HGF: variants seen among roughly 807,000 people sequenced by gnomAD.
The protein encoded by HGF is hepatocyte growth factor.
In HGF, 39 loss-of-function variants were observed where a neutral mutation model predicts 111.6. That is an observed-to-expected ratio of 0.35 (90% CI 0.27 to 0.46). The LOEUF (loss-of-function observed/expected upper bound fraction) is 0.46, where lower values mean the gene tolerates loss of function less well. Ranked by LOEUF, HGF falls within the 20% of genes least tolerant of loss-of-function variation. The pLI is 1.00. For synonymous variants in HGF, 285 were observed against 294.8 expected, an observed-to-expected ratio of 0.97 and a Z score of 0.34; for missense variants, 735 against 910.5, an observed-to-expected ratio of 0.81 and a Z score of 2.48.
At chr7:81,743,090 T>C in intron 7 of HGF, 1 of 815,468 alleles carries the variant, frequency 1.2e-6, no homozygotes, top group Non-Finnish European at 2.0e-6. Context: ...ATTTTCTTGA[T>C]AACATTAGAA....
intron 4 of HGF, among the ~76,000 whole-genome samples, chr7:81,752,534 T>C (rs771154449): frequency 1.3e-5 from 2 of 152,102 alleles, no homozygotes; most frequent in Non-Finnish European, 2.9e-5. Flanking sequence ...TAGAACTGAA[T>C]CGAAGTTGTC....
intron 11 of HGF, among the ~76,000 whole-genome samples, chr7:81,713,655 C>T (rs1352130833): frequency 6.6e-6 from 1 of 151,940 alleles, no homozygotes; most frequent in African/African-American, 2.4e-5. Flanking sequence ...AACTGAAATA[C>T]GTTTTAAAAT....
In HGF at chr7:81,705,378, C is replaced by G. The variant is rs778031781; in HGVS notation, c.2010+12G>C. ...GAATCACATACTCCTTATTAAAGAA[C>G]TTCCTTTTTACCTCACATGGTCCTG... On this transcript the variant is annotated intron_variant, in intron 17 of 17. Coordinates refer to ENST00000222390, the MANE Select transcript of HGF (RefSeq NM_000601.6). The G allele has an allele frequency of 1.9e-6, 3 of 1,611,180 alleles. No homozygotes were observed. The highest frequency in any genetic ancestry group is 2.7e-5 in the African/African-American group (2 of 74,770).
chr7:81,724,056 T>C (rs1037142805), intron 9 of HGF, among the ~76,000 whole-genome samples: 1 of 152,136 alleles, frequency 6.6e-6, no homozygotes, highest in African/African-American at 2.4e-5. Flanking sequence ...CTGATCCTTT[T>C]TAAGTGACGT....
chr7:81,735,967 T>G (rs1782455781), intron 7 of HGF, among the ~76,000 whole-genome samples: 1 of 152,044 alleles, frequency 6.6e-6, no homozygotes. Context: ...TCATTTAACA[T>G]TAATTACCAC....
In HGF at chr7:81,726,259, C is replaced by G. The variant is rs1226545299; in HGVS notation, c.1041-242G>C. On this transcript the variant is annotated intron_variant, in intron 8 of 17. Coordinates refer to ENST00000222390, the MANE Select transcript of HGF (RefSeq NM_000601.6). ...CCTTCCACAGGCCTAGAGTTTCACC[C>G]AAACATTACTGCTTCATAAAAGAGA... Among the ~76,000 whole-genome samples, 4 of 152,112 alleles carry G rather than the reference C, an allele frequency of 2.6e-5. No homozygotes were observed. In the East Asian group the frequency reaches 7.7e-4, roughly 29 times the overall value.
In HGF at chr7:81,705,398, G is replaced by T. The variant is rs2115759207; in HGVS notation, c.2002C>A (p.Pro668Thr). Residue 668 changes from proline (P) to threonine (T), a missense_variant, in exon 17 of 18, where the codon CCA (proline) becomes ACA (threonine). By Grantham distance (38) the Pro-to-Thr change is conservative. This residue lies in a region of HGF where 52 missense variants were observed against 95.0 expected (regional missense o/e 0.55). Coordinates refer to ENST00000222390, the MANE Select transcript of HGF (RefSeq NM_000601.6). ...CAGAEKIGSG[P>T]CEGDYGGPLV... ...AAGAACTTCCTTTTTACCTCACATG[G>T]TCCTGATCCAATCTTTTCAGCCCCA... 1 of 1,612,314 alleles carries T rather than the reference G, an allele frequency of 6.2e-7. No individual in the cohort carries two copies.
chr7:81,768,927 G>A (rs542113482), intron 1 of HGF, among the ~76,000 whole-genome samples: 1 of 152,014 alleles, frequency 6.6e-6, no homozygotes, highest in Non-Finnish European at 1.5e-5. Flanking sequence ...TAGATCAAAG[G>A]TCTGATAAAT....
intron 4 of HGF, among the ~76,000 whole-genome samples, chr7:81,752,694 T>G (rs1356791558): frequency 1.3e-5 from 2 of 152,116 alleles, no homozygotes; most frequent in African/African-American, 4.8e-5. Context: ...GTTTATTGCT[T>G]TTCTTATAAA....
chr7:81,744,252 T>G (rs531679348), intron 6 of HGF, among the ~76,000 whole-genome samples: 1 of 152,328 alleles, frequency 6.6e-6, no homozygotes, highest in East Asian at 1.9e-4. Context: ...TTCTTCCTTT[T>G]TTTTCCACCT....
chr7:81,741,938 C>CAAAAAAAA (rs71520767), intron 7 of HGF, among the ~76,000 whole-genome samples: 1 of 46,330 alleles, frequency 2.2e-5, no homozygotes, highest in African/African-American at 8.0e-5. Flanking sequence ...AACTCCATCT[C>CAAAAAAAA]AAAAAAAAAA....
At chr7:81,718,235 C>A (rs1789764398) in intron 10 of HGF, among the ~76,000 whole-genome samples, 2 of 152,144 alleles carry the variant, frequency 1.3e-5, no homozygotes, top group African/African-American at 4.8e-5. Context: ...GACCAAGTTT[C>A]ATTTTTCTGG....
Position 81,699,695 on chromosome 7 carries a change from C to T in HGF, c.*2886G>A, listed in dbSNP as rs1789235598. ...TGTTCTTTTCAAGAGAATGTTGTGG[C>T]TATAACATTCACTTTGTACAGTACC... On this transcript the variant is annotated 3_prime_UTR_variant, in exon 18 of 18. Coordinates refer to ENST00000222390, the MANE Select transcript of HGF (RefSeq NM_000601.6). 1 of 151,602 alleles carries T rather than the reference C, an allele frequency of 6.6e-6. No individual in the cohort carries two copies. Among genetic ancestry groups the T allele is most frequent in the Non-Finnish European group, 1.5e-5 (1 of 67,688 alleles). The allele number at this position is 151,602 out of a possible 1,614,324, so 9.4% of individuals were successfully genotyped here.
intron 5 of HGF, among the ~76,000 whole-genome samples, chr7:81,747,129 G>A (rs1405788791): frequency 6.6e-6 from 1 of 152,152 alleles, no homozygotes; most frequent in Admixed American, 6.5e-5. Flanking sequence ...ACGAGGTCAG[G>A]AGATCGAGAC....
In HGF at chr7:81,711,614, A is replaced by G. The variant is rs1181314772; in HGVS notation, c.1406-95T>C. ...TATATTAAAATCCAAGTATCAATGA[A>G]TTCAGTAATTTACTAAAATTTTTGT... On this transcript the variant is annotated intron_variant, in intron 11 of 17. Transcript: ENST00000222390. The G allele has an allele frequency of 7.1e-6, 4 of 566,540 alleles. No individual in the cohort carries two copies. In the African/African-American group the frequency reaches 7.8e-5, roughly 11 times the overall value. The allele number at this position is 566,540 out of a possible 1,614,324, so 35.1% of individuals were successfully genotyped here. A position where few individuals can be genotyped will look rare whatever the true frequency, so the allele number is the denominator to read the frequency against.
chr7:81,748,531 G>T (rs970031279), intron 5 of HGF, among the ~76,000 whole-genome samples: 7 of 152,168 alleles, frequency 4.6e-5, no homozygotes, highest in African/African-American at 1.7e-4. Context: ...AGCAGTTCAG[G>T]TGAAACCAAG....
intron 11 of HGF, among the ~76,000 whole-genome samples, chr7:81,714,340 CAAT>C (rs1789656388): frequency 6.6e-6 from 1 of 151,948 alleles, no homozygotes; most frequent in Non-Finnish European, 1.5e-5. Flanking sequence ...GCTCAATTAA[CAAT>C]AATGAATGAA....
Position 81,707,356 on chromosome 7 carries a change from T to G in HGF, c.1550A>C (p.His517Pro). 1 of 1,587,178 alleles carries G rather than the reference T, an allele frequency of 6.3e-7. No homozygotes were observed. Among genetic ancestry groups the G allele is most frequent in the Non-Finnish European group, 8.6e-7 (1 of 1,156,122 alleles). Reference protein sequence around the residue: ...WMVSLRYRNKHICGGSLIKES... With the variant: ...WMVSLRYRNKPICGGSLIKES... ...CTTTATCAATGATCCTCCGCAGATA[T>G]GTTTATTTCTGTGAAAAAGAGGAAA... is the stretch of plus-strand genomic sequence containing the variant. The change falls in exon 14 of 18, where the codon CAT becomes CCT. Residue 517 changes from histidine (H) to proline (P), a missense_variant. Around this residue, in one of 3 missense-constraint regions of HGF, gnomAD observed 553 missense variants for 685.6 expected, o/e 0.81. Transcript: ENST00000222390.
At chr7:81,765,101 T>C (rs1789293259) in intron 1 of HGF, among the ~76,000 whole-genome samples, 1 of 152,030 alleles carries the variant, frequency 6.6e-6, no homozygotes, top group South Asian at 2.1e-4. Context: ...TTAGTATACA[T>C]GTCTAAGTGT....
Sources: gnomAD v4.1 joint callset for allele counts (sites outside exome capture counted in the v4.1 genomes callset) on GRCh38, gnomAD v4.1.1 for gene constraint, gnomAD v4.1.1 regional missense constraint, MANE v1.5 for transcripts, NCBI Gene and HGNC (gene_info 2026-07-23, HGNC 2026-07-21) for gene names.